CDK6: variants seen among roughly 807,000 people sequenced by gnomAD.
CDK6 encodes cyclin dependent kinase 6.
Under a neutral mutation model 37.1 loss-of-function variants are expected in CDK6, and 6 were observed. That is an observed-to-expected ratio of 0.16 (90% CI 0.09 to 0.32). The LOEUF (loss-of-function observed/expected upper bound fraction) is 0.32. Ranked by LOEUF, CDK6 falls within the 10% of genes least tolerant of loss-of-function variation. CDK6 has a pLI of 1.00. For synonymous variants in CDK6, 160 were observed against 161.3 expected (o/e 0.99, Z 0.06); for missense variants, 224 against 418.9 (o/e 0.53, Z 4.06).
rs1320352561 is a variant in CDK6 at position 92,618,125 on chromosome 7, G to T, written c.781C>A (p.Pro261Thr). ...RQAFHSKSAQ[P>T]IEKFVTDIDE... ...ATATCTGTTACAAACTTCTCAATTGGTTGGGCAGATTTTGAATGAAAAGCC... is the reference window on the plus strand; with the variant it reads ...ATATCTGTTACAAACTTCTCAATTGTTTGGGCAGATTTTGAATGAAAAGCC... Residue 261 changes from proline (P) to threonine (T), a missense_variant, in exon 7 of 8, where the codon CCA (proline) becomes ACA (threonine). Pro to Thr is a conservative substitution (Grantham distance 38). Transcript: ENST00000424848. 6.2e-7 allele frequency: 1 copy of T among 1,614,150 alleles called. No individual in the cohort carries two copies. The highest frequency in any genetic ancestry group is 1.1e-5 in the South Asian group (1 of 91,084).
intron 3 of CDK6, among the ~76,000 whole-genome samples, chr7:92,738,644 A>AG (rs2115619102): frequency 6.6e-6 from 1 of 152,030 alleles, no homozygotes; most frequent in African/African-American, 2.4e-5. Context: ...ATCTCCGAAA[A>AG]AAAAAAAAAA....
At chr7:92,794,097 G>A (rs561938638) in intron 2 of CDK6, among the ~76,000 whole-genome samples, 136 of 152,092 alleles carry the variant, frequency 8.9e-4, no homozygotes, top group Non-Finnish European at 1.6e-3. Flanking sequence ...GGTCAATGGT[G>A]TATATAAGAT....
At chr7:92,788,514 A>T (rs1383901835) in intron 2 of CDK6, among the ~76,000 whole-genome samples, 1 of 152,202 alleles carries the variant, frequency 6.6e-6, no homozygotes, top group Non-Finnish European at 1.5e-5. Flanking sequence ...TTGACTTTTT[A>T]AGCACAATAT....
intron 4 of CDK6, among the ~76,000 whole-genome samples, chr7:92,684,677 C>A (rs1797409445): frequency 6.6e-6 from 1 of 152,170 alleles, no homozygotes; most frequent in Non-Finnish European, 1.5e-5. Context: ...TCAGGCTCTT[C>A]CTCAAAATCA....
rs763285050 is a variant in CDK6 at position 92,613,163 on chromosome 7, C to A, written c.*1977G>T. On this transcript the variant is annotated 3_prime_UTR_variant, in exon 8 of 8. Coordinates refer to ENST00000424848, the MANE Select transcript of CDK6 (RefSeq NM_001145306.2). Reference sequence around the variant, plus strand: ...ATTAGAACAATGTTAAGTAGTACAGCAATTAAAAAAGAATAGTTCCCAACC... The same window carrying A: ...ATTAGAACAATGTTAAGTAGTACAGAAATTAAAAAAGAATAGTTCCCAACC... 1.3e-5 allele frequency: 3 copies of A among 232,998 alleles called. No individual in the cohort carries two copies. Among genetic ancestry groups the A allele is most frequent in the Non-Finnish European group, 1.7e-5 (2 of 117,996 alleles). 14.4% of individuals were successfully genotyped at this position (232,998 alleles called of 1,614,324 possible). A position where few individuals can be genotyped will look rare whatever the true frequency, so the allele number is the denominator to read the frequency against.
At chr7:92,616,029 A>T (rs550319857) in intron 7 of CDK6, among the ~76,000 whole-genome samples, 3 of 151,996 alleles carry the variant, frequency 2.0e-5, no homozygotes, top group Non-Finnish European at 4.4e-5. Flanking sequence ...CCTTCCATCA[A>T]CGCCTCCTGC....
At chr7:92,646,159 G>A (rs1205497478) in intron 5 of CDK6, among the ~76,000 whole-genome samples, 3 of 152,036 alleles carry the variant, frequency 2.0e-5, no homozygotes, top group Admixed American at 2.0e-4. Context: ...TCTAGTTCAG[G>A]GTAATATCTG....
intron 4 of CDK6, among the ~76,000 whole-genome samples, chr7:92,722,084 G>A (rs1038726377): frequency 2.6e-5 from 4 of 151,976 alleles, no homozygotes; most frequent in African/African-American, 9.7e-5. Context: ...AGTTCTATAT[G>A]TAAGAACATT....
At chr7:92,623,817 T>C (rs772001219) in intron 5 of CDK6, among the ~76,000 whole-genome samples, 5 of 152,206 alleles carry the variant, frequency 3.3e-5, no homozygotes, top group African/African-American at 7.2e-5. Context: ...ATCCCTGCCA[T>C]AGAGCTTTAC....
chr7:92,665,927 G>A (rs1211552440), intron 5 of CDK6, among the ~76,000 whole-genome samples: 1 of 152,200 alleles, frequency 6.6e-6, no homozygotes, highest in Non-Finnish European at 1.5e-5. Flanking sequence ...CTTGTGGAAG[G>A]TCTAGTTCAT....
chr7:92,700,996 A>G (rs538264927), intron 4 of CDK6, among the ~76,000 whole-genome samples: 151 of 152,374 alleles, frequency 9.9e-4, no homozygotes, highest in Non-Finnish European at 1.6e-3. Flanking sequence ...AGAAGAAAAG[A>G]GGCAGACGAC....
Position 92,833,420 on chromosome 7 carries a change from G to A in CDK6, c.-97C>T, listed in dbSNP as rs1290513885. ...CGCTCGCCTACTCCGGGGCTCCCCG[G>A]AGATCGGTCTAGCTTTACTTGCTCC... On this transcript the variant is annotated 5_prime_UTR_variant, in exon 2 of 8. Transcript: ENST00000424848. The surrounding 1 kb of genome is among the most constrained non-coding windows in gnomAD (Gnocchi z 6.1). The A allele has an allele frequency of 9.5e-6, 8 of 839,698 alleles. No homozygotes were observed. Among genetic ancestry groups the A allele is most frequent in the African/African-American group, 8.8e-5 (5 of 56,784 alleles). 52.0% of individuals were successfully genotyped at this position (839,698 alleles called of 1,614,324 possible). A position where few individuals can be genotyped will look rare whatever the true frequency, so the allele number is the denominator to read the frequency against.
intron 2 of CDK6, among the ~76,000 whole-genome samples, chr7:92,804,894 G>A (rs1800683976): frequency 6.6e-6 from 1 of 152,066 alleles, no homozygotes; most frequent in African/African-American, 2.4e-5. Context: ...CAAATCCCCT[G>A]GGGAACAAAT....
At position 92,608,201 on chromosome 7, in the gene CDK6, T is replaced by C. The variant is rs1795473095; in HGVS notation, c.*6939A>G. ...ATAGTTCTTGGCAGTCAATATGTAG[T>C]TATATGCCCCCTTTGAGAAAAACCT... is the stretch of plus-strand genomic sequence containing the variant. On this transcript the variant is annotated 3_prime_UTR_variant, in exon 8 of 8. Coordinates refer to ENST00000424848, the MANE Select transcript of CDK6 (RefSeq NM_001145306.2). 1 of 232,346 alleles carries C rather than the reference T, an allele frequency of 4.3e-6. No individual in the cohort carries two copies. The highest frequency in any genetic ancestry group is 8.5e-6 in the Non-Finnish European group (1 of 117,584). 14.4% of individuals were successfully genotyped at this position (232,346 alleles called of 1,614,324 possible).
intron 2 of CDK6, among the ~76,000 whole-genome samples, chr7:92,794,685 C>T (rs1162130987): frequency 2.6e-5 from 4 of 152,036 alleles, no homozygotes; most frequent in Non-Finnish European, 4.4e-5. Flanking sequence ...AGCCAGGACT[C>T]CTCTGTGCTA....
At chr7:92,711,755 A>G (rs1798099549) in intron 4 of CDK6, among the ~76,000 whole-genome samples, 1 of 150,752 alleles carries the variant, frequency 6.6e-6, no homozygotes. Context: ...TTTTGTAGAG[A>G]CAAGGTTTTA....
chr7:92,817,367 G>A (rs917123758), intron 2 of CDK6, among the ~76,000 whole-genome samples: 3 of 151,848 alleles, frequency 2.0e-5, no homozygotes, highest in African/African-American at 7.3e-5. Context: ...AATTCAATCA[G>A]TATAATTCAC....
chr7:92,677,717 C>T (rs1021051629), intron 4 of CDK6, among the ~76,000 whole-genome samples: 1 of 152,086 alleles, frequency 6.6e-6, no homozygotes, highest in African/African-American at 2.4e-5. Flanking sequence ...AGAGAGCATC[C>T]CCAGTTTTAA....
chr7:92,709,065 G>C (rs1798029134), intron 4 of CDK6, among the ~76,000 whole-genome samples: 1 of 151,864 alleles, frequency 6.6e-6, no homozygotes, highest in African/African-American at 2.4e-5. Flanking sequence ...GTTTTCCCCG[G>C]ATCTACATTT....
Sources: allele counts gnomAD v4.1 joint callset (sites outside exome capture counted in the v4.1 genomes callset), GRCh38; gene constraint gnomAD v4.1.1; non-coding constraint Gnocchi (gnomAD v3.1); transcripts MANE v1.5; gene names NCBI Gene and HGNC (gene_info 2026-07-23, HGNC 2026-07-21).